AACS: variants seen among roughly 807,000 people sequenced by gnomAD.
The protein encoded by AACS is acetoacetyl-CoA synthetase.
AACS carries 69 observed loss-of-function variants against 83.1 expected under a neutral mutation model. The observed-to-expected ratio is 0.83, with a 90% CI of 0.68 to 1.01. The LOEUF (loss-of-function observed/expected upper bound fraction) is 1.01, where lower values mean the gene tolerates loss of function less well. Ranked by LOEUF, AACS falls within the 50% of genes least tolerant of loss-of-function variation. The probability of loss-of-function intolerance (pLI) is 0.00; values close to 1 mark genes in which losing one functional copy is unlikely to be tolerated. For missense variants in AACS, 866 were observed against 882.2 expected, an observed-to-expected ratio of 0.98 and a Z score of 0.23; for synonymous variants, 333 against 343.4, an observed-to-expected ratio of 0.97 and a Z score of 0.33.
chr12:125,112,678 CA>C lies in AACS; in HGVS notation c.916-1786del, dbSNP rs56314902. 5.3e-3 allele frequency among the ~76,000 whole-genome samples: 577 copies of C among 108,248 alleles called. 19 individuals carry two copies. Among genetic ancestry groups the C allele is most frequent in the African/African-American group, 0.016 (414 of 25,958 alleles). The allele number at this position is 108,248 out of a possible 152,430, so 71.0% of individuals were successfully genotyped here. ...CTGGTGACAGAGCGAGACTCTGTCTCAAAAAAAAAAAAAGACATACTGAGAC... is the reference window on the plus strand; with the variant it reads ...CTGGTGACAGAGCGAGACTCTGTCTCAAAAAAAAAAAAGACATACTGAGAC... On this transcript the variant is annotated intron_variant, in intron 8 of 17. Transcript: ENST00000316519.
At chr12:125,099,253 C>T (rs1173628694) in intron 5 of AACS, among the ~76,000 whole-genome samples, 4 of 152,132 alleles carry the variant, frequency 2.6e-5, no homozygotes, top group African/African-American at 4.8e-5. Flanking sequence ...TGTCTTTCTC[C>T]GACTTCTGTA....
chr12:125,102,861 G>A, intron 6 of AACS, 68 bp downstream of exon 6: 2 of 1,507,012 alleles, frequency 1.3e-6, no homozygotes, highest in Non-Finnish European at 1.8e-6. Context: ...GAGTCTGCCA[G>A]GAGTCAATCT....
chr12:125,104,062 T>C (rs548368799), intron 7 of AACS, among the ~76,000 whole-genome samples: 23 of 143,214 alleles, frequency 1.6e-4, no homozygotes, highest in African/African-American at 5.4e-4. Context: ...GGATTATGGA[T>C]TATGGTTTAG....
At chr12:125,071,725 C>G (rs78490485) in intron 1 of AACS, among the ~76,000 whole-genome samples, 1,689 of 152,238 alleles carry the variant, frequency 0.011, 15 homozygotes, top group Middle Eastern at 0.048. Flanking sequence ...TGAAGTCGGC[C>G]GCTTTTGCTG....
intron 14 of AACS, 23 bp from the exon 15 acceptor site, chr12:125,133,980 G>A (rs1446365547): frequency 6.2e-7 from 1 of 1,613,700 alleles, no homozygotes. Flanking sequence ...CGGGATGACC[G>A]GGCACCTCTG....
At chr12:125,132,876 T>C (rs1448854836) in intron 14 of AACS, among the ~76,000 whole-genome samples, 1 of 152,166 alleles carries the variant, frequency 6.6e-6, no homozygotes, top group African/African-American at 2.4e-5. Flanking sequence ...AGGTAGCTGT[T>C]GAGTCATAAG....
At chr12:125,069,868 C>T (rs577328563) in intron 1 of AACS, among the ~76,000 whole-genome samples, 47 of 152,312 alleles carry the variant, frequency 3.1e-4, no homozygotes, top group Middle Eastern at 3.4e-3. Flanking sequence ...CGTTAGTGGA[C>T]GCTGGGCATT....
At chr12:125,102,617 A>G (rs1956737173) in intron 5 of AACS, 62 bp from the exon 6 acceptor site, 2 of 1,446,444 alleles carry the variant, frequency 1.4e-6, no homozygotes. Flanking sequence ...GGCACCCACC[A>G]CCATGCCTGC....
rs545710603 is a variant in AACS at position 125,111,029 on chromosome 12, C to G, written c.916-3448C>G. Among the ~76,000 whole-genome samples, 382 of 152,250 alleles carry G rather than the reference C, an allele frequency of 2.5e-3. 1 individual carries two copies. Among genetic ancestry groups the G allele is most frequent in the African/African-American group, 8.9e-3 (370 of 41,536 alleles). On this transcript the variant is annotated intron_variant, in intron 8 of 17. Coordinates refer to ENST00000316519, the MANE Select transcript of AACS (RefSeq NM_023928.5). Reference sequence around the variant, plus strand: ...GCACAGCAGGTTAATTCTCAAGAAACCCAGGGGTGGGAGCGAGGGGCTGAG... The same window carrying G: ...GCACAGCAGGTTAATTCTCAAGAAAGCCAGGGGTGGGAGCGAGGGGCTGAG...
chr12:125,097,389 A>G lies in AACS; in HGVS notation c.571-5290A>G, dbSNP rs1324248056. Among the ~76,000 whole-genome samples the G allele has an allele frequency of 6.6e-6, 1 of 151,030 alleles. No homozygotes were observed. The highest frequency in any genetic ancestry group is 1.5e-5 in the Non-Finnish European group (1 of 67,864). ...CAAGTCCCTGTTACCTGTATGTCCC[A>G]TGCACTTTTTTAAACTGATGCTGAA... is the stretch of plus-strand genomic sequence containing the variant. On this transcript the variant is annotated intron_variant, in intron 5 of 17. Coordinates refer to ENST00000316519, the MANE Select transcript of AACS (RefSeq NM_023928.5). The surrounding 1 kb of genome is among the most constrained non-coding windows in gnomAD (Gnocchi z 4.3).
In AACS at chr12:125,107,261, C is replaced by T; in HGVS notation, c.908C>T (p.Ser303Phe). 1 of 1,613,652 alleles carries T rather than the reference C, an allele frequency of 6.2e-7. No individual in the cohort carries two copies. The highest frequency in any genetic ancestry group is 8.5e-7 in the Non-Finnish European group (1 of 1,179,986). Residue 303 changes from serine (S) to phenylalanine (F), a missense_variant, in exon 8 of 18, where the codon TCC becomes TTC. Coordinates refer to ENST00000316519, the MANE Select transcript of AACS (RefSeq NM_023928.5). ...GGCGCACCCAAGTGCATGGTGCATTCCGCTGGGGTAGGTCTCTGGGGAAGG... is the reference window on the plus strand; with the variant it reads ...GGCGCACCCAAGTGCATGGTGCATTTCGCTGGGGTAGGTCTCTGGGGAAGG... ...TTGAPKCMVH[S>F]AGGTLIQHLK...
intron 5 of AACS, among the ~76,000 whole-genome samples, chr12:125,098,192 G>A (rs1956652023): frequency 6.6e-6 from 1 of 152,104 alleles, no homozygotes; most frequent in Non-Finnish European, 1.5e-5. Flanking sequence ...CACTTTGGGA[G>A]GCAGAGGCGG....
In AACS at chr12:125,065,447, C is replaced by T. The variant is rs1469115502; in HGVS notation, c.-138C>T. The stretch of plus-strand genomic sequence containing the variant: ...GCGGCGGCCGTTCAGTCCCTTGTTC[C>T]CCGCCGCCGCCGTCGCTGACCCAGC... On this transcript the variant is annotated 5_prime_UTR_variant, in exon 1 of 18. Transcript: ENST00000316519. The T allele has an allele frequency of 1.3e-5, 13 of 975,894 alleles. No homozygotes were observed. The highest frequency in any genetic ancestry group is 1.3e-4 in the Admixed American group (3 of 23,046). The allele number at this position is 975,894 out of a possible 1,614,324, so 60.5% of individuals were successfully genotyped here.
At chr12:125,080,793 G>A (rs1201509008) in intron 3 of AACS, among the ~76,000 whole-genome samples, 2 of 151,690 alleles carry the variant, frequency 1.3e-5, no homozygotes, top group South Asian at 2.1e-4. Context: ...CCGGGTTCAC[G>A]CCATTCTCCT....
rs372247720 is a variant in AACS at position 125,076,526 on chromosome 12, C to T, written c.273C>T (p.Pro91=). 106 of 1,614,072 alleles carry T rather than the reference C, an allele frequency of 6.6e-5. No individual in the cohort carries two copies. In the South Asian group the frequency reaches 6.9e-4, roughly 11 times the overall value. Residue 91 remains proline (P), a synonymous_variant, in exon 3 of 18, where the codon CCC becomes CCT. Transcript: ENST00000316519. ...VDTSKGIADV[P]EWFKGSRLNY... ...CATCGAAAGGAATCGCAGATGTCCC[C>T]GAGTGGTTCAAAGGCAGTCGGCTCA...
At chr12:125,074,594 A>T (rs1393814234) in intron 2 of AACS, among the ~76,000 whole-genome samples, 1 of 151,484 alleles carries the variant, frequency 6.6e-6, no homozygotes, top group Non-Finnish European at 1.5e-5. Context: ...ATAAACTATT[A>T]TGTAACCATC....
rs137967655 is a variant in AACS at position 125,085,599 on chromosome 12, A to G, written c.359-731A>G. On this transcript the variant is annotated intron_variant, in intron 3 of 17. Coordinates refer to ENST00000316519, the MANE Select transcript of AACS (RefSeq NM_023928.5). Reference sequence around the variant, plus strand: ...GTCGCATCCACGTCTGTTTCGTGGAACTACACACATGCATGTTGCATCCAT... The same window carrying G: ...GTCGCATCCACGTCTGTTTCGTGGAGCTACACACATGCATGTTGCATCCAT... 3.3e-5 allele frequency among the ~76,000 whole-genome samples: 5 copies of G among 152,364 alleles called. No individual in the cohort carries two copies. In the East Asian group the frequency reaches 9.6e-4, roughly 29 times the overall value.
chr12:125,092,142 G>A lies in AACS; in HGVS notation c.570+619G>A, dbSNP rs1045246208. On this transcript the variant is annotated intron_variant, in intron 5 of 17. Transcript: ENST00000316519. Reference sequence around the variant, plus strand: ...GGCAAATGAAGCAGCCGCAGAGCGGGTCTTCCTGGGGCCCCCACTCCCCAG... The same window carrying A: ...GGCAAATGAAGCAGCCGCAGAGCGGATCTTCCTGGGGCCCCCACTCCCCAG... 3.9e-5 allele frequency among the ~76,000 whole-genome samples: 6 copies of A among 152,228 alleles called. No homozygotes were observed. The East Asian group carries it at 9.7e-4, about 25-fold the overall frequency.
intron 13 of AACS, 27 bp downstream of exon 13, chr12:125,128,301 C>T: frequency 6.3e-7 from 1 of 1,594,864 alleles, no homozygotes; most frequent in Non-Finnish European, 8.6e-7. Context: ...CTGTTTCTTT[C>T]TGTGATTAGG....
Sources: gnomAD v4.1 joint callset for allele counts (sites outside exome capture counted in the v4.1 genomes callset) on GRCh38, gnomAD v4.1.1 for gene constraint, Gnocchi (gnomAD v3.1) non-coding constraint, MANE v1.5 for transcripts, NCBI Gene and HGNC (gene_info 2026-07-23, HGNC 2026-07-21) for gene names.